PIEZO2: variants seen among roughly 807,000 people sequenced by gnomAD.
PIEZO2 encodes piezo type mechanosensitive ion channel component 2, also known as piezo-type mechanosensitive ion channel component 2.
In PIEZO2, 172 loss-of-function variants were observed where a neutral mutation model predicts 337.3. The observed-to-expected ratio is 0.51, with a 90% CI of 0.45 to 0.58. The LOEUF is 0.58. PIEZO2 is among the 20% of genes least tolerant of loss of function. The pLI is 0.00. For synonymous variants in PIEZO2, 1,251 were observed against 1,228.5 expected, an observed-to-expected ratio of 1.02 and a Z score of -0.38; for missense variants, 3,028 against 3,391.3, an observed-to-expected ratio of 0.89 and a Z score of 2.66.
chr18:10,775,986 G>C lies in PIEZO2; in HGVS notation c.2535-1948C>G, dbSNP rs2038772265. 6.6e-6 allele frequency among the ~76,000 whole-genome samples: 1 copy of C among 152,176 alleles called. No homozygotes were observed. ...TCTAGGGGTTTATTAACTATCTTGA[G>C]AAATTTCAGAGAATTGTACCTTGTA... is the stretch of plus-strand genomic sequence containing the variant. On this transcript the variant is annotated intron_variant, in intron 18 of 55. Coordinates refer to ENST00000674853, the MANE Select transcript of PIEZO2 (RefSeq NM_001378183.1). The surrounding 1 kb of genome is among the most constrained non-coding windows in gnomAD (Gnocchi z 4.3).
At chr18:11,068,462 G>T (rs2038227574) in intron 1 of PIEZO2, among the ~76,000 whole-genome samples, 1 of 152,152 alleles carries the variant, frequency 6.6e-6, no homozygotes, top group Admixed American at 6.5e-5. Flanking sequence ...GAAAGTAAAA[G>T]GGAGATTAGA....
At chr18:11,041,667 G>C (rs1818100048) in intron 2 of PIEZO2, among the ~76,000 whole-genome samples, 1 of 151,998 alleles carries the variant, frequency 6.6e-6, no homozygotes, top group Non-Finnish European at 1.5e-5. Flanking sequence ...ATGTCAATTT[G>C]TATGGTTCTT....
At position 10,967,025 on chromosome 18, in the gene PIEZO2, T is replaced by G. The variant is rs1160473812; in HGVS notation, c.286+12510A>C. ...ACATTTTCTCTGTTTTTTGTTTTTT[T>G]TTTTTTTTTTGAGATGGAGTTTCAC... is the stretch of plus-strand genomic sequence containing the variant. On this transcript the variant is annotated intron_variant, in intron 3 of 55. Coordinates refer to ENST00000674853, the MANE Select transcript of PIEZO2 (RefSeq NM_001378183.1). Among the ~76,000 whole-genome samples, 45 of 147,772 alleles carry G rather than the reference T, an allele frequency of 3.0e-4. 2 individuals carry two copies. Among genetic ancestry groups the G allele is most frequent in the Admixed American group, 1.4e-3 (21 of 14,896 alleles).
At position 10,993,486 on chromosome 18, in the gene PIEZO2, G is replaced by T. The variant is rs1231018456; in HGVS notation, c.161-13826C>A. Reference sequence around the variant, plus strand: ...AGATAATCATGTCGTTTTTGTCATTGGTTCTGTTTATGTGATAGATTACGT... The same window carrying T: ...AGATAATCATGTCGTTTTTGTCATTTGTTCTGTTTATGTGATAGATTACGT... On this transcript the variant is annotated intron_variant, in intron 2 of 55. Coordinates refer to ENST00000674853, the MANE Select transcript of PIEZO2 (RefSeq NM_001378183.1). The surrounding 1 kb of genome is among the most constrained non-coding windows in gnomAD (Gnocchi z 5.0). Among the ~76,000 whole-genome samples, 2 of 151,930 alleles carry T rather than the reference G, an allele frequency of 1.3e-5. No homozygotes were observed. Among genetic ancestry groups the T allele is most frequent in the Non-Finnish European group, 2.9e-5 (2 of 67,988 alleles).
rs2144638491 is a variant in PIEZO2, at chr18:10,846,349, A to AC, written c.917+9003dup. The stretch of plus-strand genomic sequence containing the variant: ...CTATCACCAGAACAACACAGGAAAG[A>AC]CCTGCCCCCATAATTCAATCACCTC... On this transcript the variant is annotated intron_variant, in intron 7 of 55. Coordinates refer to ENST00000674853, the MANE Select transcript of PIEZO2 (RefSeq NM_001378183.1). This position sits in a 1 kb window ranked among gnomAD's most constrained non-coding sequence, Gnocchi z 4.1. 6.6e-6 allele frequency among the ~76,000 whole-genome samples: 1 copy of AC among 152,276 alleles called. No individual in the cohort carries two copies. The highest frequency in any genetic ancestry group is 1.9e-4 in the East Asian group (1 of 5,188).
chr18:10,695,429 A>C lies in PIEZO2; in HGVS notation c.7190+645T>G, dbSNP rs902767340. ...CACAGCAGCCACTTTGAAGGATCTT[A>C]CCAGCCCTTTCCTGACAGCTTCTGG... is the stretch of plus-strand genomic sequence containing the variant. On this transcript the variant is annotated intron_variant, in intron 47 of 55. Coordinates refer to ENST00000674853, the MANE Select transcript of PIEZO2 (RefSeq NM_001378183.1). Among the ~76,000 whole-genome samples the C allele has an allele frequency of 2.0e-5, 3 of 152,192 alleles. No individual in the cohort carries two copies. The South Asian group carries it at 6.2e-4, about 32-fold the overall frequency.
intron 2 of PIEZO2, among the ~76,000 whole-genome samples, chr18:10,991,667 G>A (rs1333272124): frequency 2.0e-5 from 3 of 151,964 alleles, no homozygotes; most frequent in Admixed American, 6.6e-5. Flanking sequence ...CTTTGTTATC[G>A]TGAATAGTGC....
chr18:10,873,200 A>G (rs1440304381), intron 4 of PIEZO2, among the ~76,000 whole-genome samples: 1 of 152,202 alleles, frequency 6.6e-6, no homozygotes, highest in African/African-American at 2.4e-5. Flanking sequence ...TTTGGAAAAT[A>G]AAAGTTATCA....
Position 10,727,324 on chromosome 18 carries a change from T to TGTC in PIEZO2, c.5029+4080_5029+4082dup, listed in dbSNP as rs1298314852. On this transcript the variant is annotated intron_variant, in intron 36 of 55. Transcript: ENST00000674853. This position sits in a 1 kb window ranked among gnomAD's most constrained non-coding sequence, Gnocchi z 6.3. Reference sequence around the variant, plus strand: ...ACTCCAGTCTCTCCCTTCCCTCACCTGTCCCCTTGGTGCTCCTTCAGCATT... The same window carrying TGTC: ...ACTCCAGTCTCTCCCTTCCCTCACCTGTCGTCCCCTTGGTGCTCCTTCAGCATT... The TGTC allele has an allele frequency of 6.3e-6, 1 of 158,618 alleles. No individual in the cohort carries two copies. Among genetic ancestry groups the TGTC allele is most frequent in the Non-Finnish European group, 1.4e-5 (1 of 72,474 alleles). The allele number at this position is 158,618 out of a possible 1,614,324, so 9.8% of individuals were successfully genotyped here. A position where few individuals can be genotyped will look rare whatever the true frequency, so the allele number is the denominator to read the frequency against.
chr18:10,966,163 T>C (rs1397648151), intron 3 of PIEZO2, among the ~76,000 whole-genome samples: 5 of 152,198 alleles, frequency 3.3e-5, no homozygotes, highest in Non-Finnish European at 4.4e-5. Context: ...TCAGCTCCTG[T>C]TTCAGGAAGG....
rs1568314015 is a variant in PIEZO2 at position 11,033,355 on chromosome 18, C to T, written c.160+32772G>A. ...CAGGACTCCAGCCAGAGTGCAAGAT[C>T]TCACTGGTGCAGGTTTCTCCTGCCC... On this transcript the variant is annotated intron_variant, in intron 2 of 55. Transcript: ENST00000674853. This position sits in a 1 kb window ranked among gnomAD's most constrained non-coding sequence, Gnocchi z 4.2. Among the ~76,000 whole-genome samples, 1 of 152,228 alleles carries T rather than the reference C, an allele frequency of 6.6e-6. No homozygotes were observed. The highest frequency in any genetic ancestry group is 2.4e-5 in the African/African-American group (1 of 41,470).
At chr18:11,034,961 C>A (rs1396358311) in intron 2 of PIEZO2, among the ~76,000 whole-genome samples, 3 of 152,238 alleles carry the variant, frequency 2.0e-5, no homozygotes, top group East Asian at 1.9e-4. Context: ...GACTGCCAGA[C>A]AGGTTCCTTT....
intron 4 of PIEZO2, among the ~76,000 whole-genome samples, chr18:10,883,714 G>A (rs1334909092): frequency 6.6e-6 from 1 of 151,752 alleles, no homozygotes; most frequent in Non-Finnish European, 1.5e-5. Context: ...TATTCTTCCT[G>A]GTGTACCTGA....
chr18:10,874,401 T>A (rs2042218037), intron 4 of PIEZO2, among the ~76,000 whole-genome samples: 1 of 152,164 alleles, frequency 6.6e-6, no homozygotes, highest in African/African-American at 2.4e-5. Flanking sequence ...GAAAACAGCA[T>A]GGAGGTTCCT....
Position 10,800,471 on chromosome 18 carries a change from A to C in PIEZO2, c.1244T>G (p.Leu415Arg). 6.5e-7 allele frequency: 1 copy of C among 1,529,836 alleles called. No individual in the cohort carries two copies. 94.8% of individuals were successfully genotyped at this position (1,529,836 alleles called of 1,614,324 possible). A position where few individuals can be genotyped will look rare whatever the true frequency, so the allele number is the denominator to read the frequency against. ...TQDDYKPSDG[L>R]LVTVNGNPVD... Reference sequence around the variant, plus strand: ...GGGGTTGCCGTTCACAGTCACCAGCAGGCCCTGCCGGGAGTGCAGAGAAAG... The same window carrying C: ...GGGGTTGCCGTTCACAGTCACCAGCCGGCCCTGCCGGGAGTGCAGAGAAAG... The change falls in exon 11 of 56, where the codon CTG (leucine) becomes CGG (arginine). Residue 415 changes from leucine to arginine, a missense_variant. This residue lies in a region of PIEZO2 where 542 missense variants were observed against 605.6 expected (regional missense o/e 0.89). Transcript: ENST00000674853.
chr18:10,897,614 CTG>C (rs2042937136), intron 4 of PIEZO2, among the ~76,000 whole-genome samples: 1 of 152,218 alleles, frequency 6.6e-6, no homozygotes, highest in East Asian at 1.9e-4. Context: ...CCACGTGGAA[CTG>C]TGAGTCCATT....
chr18:11,093,054 G>A (rs1474516348), intron 1 of PIEZO2, among the ~76,000 whole-genome samples: 1 of 152,200 alleles, frequency 6.6e-6, no homozygotes, highest in Non-Finnish European at 1.5e-5. Flanking sequence ...ACCAGAGAAT[G>A]ATTTCTGGAA....
chr18:10,875,890 C>G (rs556426841), intron 4 of PIEZO2, among the ~76,000 whole-genome samples: 2 of 152,330 alleles, frequency 1.3e-5, no homozygotes, highest in African/African-American at 4.8e-5. Flanking sequence ...ATTACTCCAC[C>G]TGCTGTGATA....
intron 11 of PIEZO2, among the ~76,000 whole-genome samples, chr18:10,798,506 T>C (rs2039691056): frequency 6.6e-6 from 1 of 152,218 alleles, no homozygotes; most frequent in Admixed American, 6.5e-5. Flanking sequence ...CCTGGGATCA[T>C]AGACAGGGGT....
Sources: gnomAD v4.1 joint callset for allele counts (sites outside exome capture counted in the v4.1 genomes callset) on GRCh38, gnomAD v4.1.1 for gene constraint, gnomAD v4.1.1 regional missense constraint, Gnocchi (gnomAD v3.1) non-coding constraint, MANE v1.5 for transcripts, NCBI Gene and HGNC (gene_info 2026-07-23, HGNC 2026-07-21) for gene names.